The following GALNT13 variants were observed in gnomAD, a reference collection of about 807,000 sequenced individuals.
GALNT13 encodes the protein UDP-GalNAc:polypeptide N-acetylgalactosaminyltransferase 13.
GALNT13 carries 28 observed loss-of-function variants against 64.2 expected under a neutral mutation model. The observed-to-expected ratio is 0.44, with a 90% CI of 0.32 to 0.60. GALNT13 has a LOEUF of 0.60. Among genes scored for constraint, GALNT13 ranks in the 20% least tolerant of loss-of-function variants. The probability of loss-of-function intolerance (pLI) is 0.05; values close to 1 mark genes in which losing one functional copy is unlikely to be tolerated. For synonymous variants in GALNT13, 214 were observed against 224.6 expected (o/e 0.95, Z 0.42); for missense variants, 577 against 669.8 (o/e 0.86, Z 1.53).
the GALNT13 span, among the ~76,000 whole-genome samples, chr2:153,816,353 C>T: frequency 2.6e-5 from 4 of 151,942 alleles, no homozygotes; most frequent in African/African-American, 7.3e-5. Context: ...GATGGATCAA[C>T]TTTTTTGTGT....
the GALNT13 span, among the ~76,000 whole-genome samples, chr2:153,822,693 C>T: frequency 6.6e-6 from 1 of 152,098 alleles, no homozygotes; most frequent in South Asian, 2.1e-4. Context: ...AAGCTGGAAG[C>T]ATTCCCCTTA....
rs151031372 is a variant in GALNT13, at chr2:154,116,010, G to C, written c.143-24327G>C. On this transcript the variant is annotated intron_variant, in intron 3 of 12. Transcript: ENST00000392825. ...CTAGTTATAGGTCTAGAGGCAAACA[G>C]GTATTAGGGTTGGCTTGTGAAGATA... Among the ~76,000 whole-genome samples, 369 of 152,288 alleles carry C rather than the reference G, an allele frequency of 2.4e-3. 9 individuals are homozygous for C. The East Asian group carries it at 0.055, about 23-fold the overall frequency.
intron 4 of GALNT13, among the ~76,000 whole-genome samples, chr2:154,163,883 A>G (rs779686326): frequency 6.6e-6 from 1 of 152,094 alleles, no homozygotes; most frequent in African/African-American, 2.4e-5. Flanking sequence ...CTCAGTTCTC[A>G]CTCTGTATTT....
At chr2:153,693,725 T>C in the GALNT13 span, among the ~76,000 whole-genome samples, 3 of 152,068 alleles carry the variant, frequency 2.0e-5, no homozygotes, top group East Asian at 5.8e-4. Context: ...TTAGCTCTAT[T>C]CAGTGAATCC....
rs186892624 is a variant in GALNT13, at chr2:154,413,588, C to T, written c.1395+4506C>T. Among the ~76,000 whole-genome samples the T allele has an allele frequency of 4.4e-3, 672 of 152,094 alleles. 9 individuals carry two copies. Among genetic ancestry groups the T allele is most frequent in the Non-Finnish European group, 4.5e-3 (306 of 67,884 alleles). The stretch of plus-strand genomic sequence containing the variant: ...AGCCTGATCTACCTTGATGTCCCAT[C>T]GGTCTCCTGTGCTCTAGACATACGT... On this transcript the variant is annotated intron_variant, in intron 11 of 12. Coordinates refer to ENST00000392825, the MANE Select transcript of GALNT13 (RefSeq NM_052917.4).
chr2:154,009,839 A>G (rs2105244247), intron 3 of GALNT13, among the ~76,000 whole-genome samples: 1 of 152,102 alleles, frequency 6.6e-6, no homozygotes, highest in Non-Finnish European at 1.5e-5. Flanking sequence ...GATTTCTTTG[A>G]GCAGGGTTTT....
intron 3 of GALNT13, among the ~76,000 whole-genome samples, chr2:154,077,406 C>A (rs1701043838): frequency 6.6e-6 from 1 of 151,322 alleles, no homozygotes; most frequent in Non-Finnish European, 1.5e-5. Flanking sequence ...ATCATGAGGT[C>A]TGAATAGAAT....
At chr2:154,383,902 T>A (rs897555145) in intron 9 of GALNT13, among the ~76,000 whole-genome samples, 1 of 151,550 alleles carries the variant, frequency 6.6e-6, no homozygotes, top group South Asian at 2.1e-4. Flanking sequence ...AACATACATA[T>A]ATATGTGTGT....
chr2:153,104,017 G>A, the GALNT13 span, among the ~76,000 whole-genome samples: 1 of 151,932 alleles, frequency 6.6e-6, no homozygotes, highest in Non-Finnish European at 1.5e-5. Context: ...CTTCTTGAGG[G>A]CAAGGTTAGT....
At chr2:153,542,485 G>A in the GALNT13 span, among the ~76,000 whole-genome samples, 1 of 152,208 alleles carries the variant, frequency 6.6e-6, no homozygotes, top group South Asian at 2.1e-4. Flanking sequence ...TATAGCAAGG[G>A]GCCAAGTTGG....
chr2:153,915,604 C>T (rs1043347321), intron 2 of GALNT13, among the ~76,000 whole-genome samples: 2 of 151,982 alleles, frequency 1.3e-5, no homozygotes, highest in African/African-American at 4.8e-5. Flanking sequence ...GCCTGGTGAC[C>T]CCTGCCCTCT....
chr2:154,174,789 T>G (rs1467965986), intron 4 of GALNT13, among the ~76,000 whole-genome samples: 7 of 152,144 alleles, frequency 4.6e-5, no homozygotes, highest in Non-Finnish European at 8.8e-5. Context: ...GATTTTTGTT[T>G]CTGCTATGTC....
intron 3 of GALNT13, among the ~76,000 whole-genome samples, chr2:153,980,529 A>C (rs192485553): frequency 6.6e-6 from 1 of 152,232 alleles, no homozygotes; most frequent in Admixed American, 6.5e-5. Context: ...TAAATTGTTT[A>C]TGAGGTGTCG....
At chr2:153,337,520 T>A in the GALNT13 span, among the ~76,000 whole-genome samples, 1 of 152,226 alleles carries the variant, frequency 6.6e-6, no homozygotes, top group South Asian at 2.1e-4. Flanking sequence ...ACAATAATCC[T>A]CATCCTACTG....
At chr2:153,945,206 A>G (rs1691637321) in intron 3 of GALNT13, among the ~76,000 whole-genome samples, 1 of 152,192 alleles carries the variant, frequency 6.6e-6, no homozygotes, top group African/African-American at 2.4e-5. Flanking sequence ...TTATTTCAGT[A>G]TTTTCCTCTT....
chr2:153,554,896 A>C, the GALNT13 span, among the ~76,000 whole-genome samples: 1 of 152,230 alleles, frequency 6.6e-6, no homozygotes, highest in African/African-American at 2.4e-5. Flanking sequence ...TACGAGAGAA[A>C]ATTTTTTTAG....
chr2:154,172,131 A>G (rs1010924266), intron 4 of GALNT13, among the ~76,000 whole-genome samples: 1 of 151,942 alleles, frequency 6.6e-6, no homozygotes, highest in African/African-American at 2.4e-5. Context: ...TGAATTTCAA[A>G]TGACCATGTC....
the GALNT13 span, among the ~76,000 whole-genome samples, chr2:153,652,356 C>A: frequency 6.6e-6 from 1 of 152,116 alleles, no homozygotes. Context: ...GACGGTGACT[C>A]ATGCCTGTAA....
At chr2:154,065,530 T>A (rs954389657) in intron 3 of GALNT13, among the ~76,000 whole-genome samples, 2 of 152,130 alleles carry the variant, frequency 1.3e-5, no homozygotes, top group African/African-American at 4.8e-5. Flanking sequence ...AAGATTCCAT[T>A]TGCTTGGTAG....
Sources: gnomAD v4.1 joint callset for allele counts (sites outside exome capture counted in the v4.1 genomes callset) on GRCh38, gnomAD v4.1.1 for gene constraint, MANE v1.5 for transcripts, NCBI Gene and HGNC (gene_info 2026-07-23, HGNC 2026-07-21) for gene names.